Variants in CAMTA1 observed in about 807,000 individuals in gnomAD.
CAMTA1 encodes calmodulin-binding transcription activator 1.
CAMTA1 carries 27 observed loss-of-function variants against 170.9 expected under a neutral mutation model. The ratio of observed to expected loss-of-function variants is 0.16; its 90% CI spans 0.12 to 0.22. CAMTA1 has a LOEUF of 0.22. Among genes scored for constraint, CAMTA1 ranks in the 10% least tolerant of loss-of-function variants. The pLI, the probability that CAMTA1 is intolerant of heterozygous loss-of-function variation, is 1.00. For synonymous variants in CAMTA1, 833 were observed against 891.5 expected (o/e 0.93, Z 1.17); for missense variants, 1,619 against 2,217.2 (o/e 0.73, Z 5.42).
At chr1:7,142,589 C>G (rs751984581) in intron 4 of CAMTA1, among the ~76,000 whole-genome samples, 1 of 152,158 alleles carries the variant, frequency 6.6e-6, no homozygotes, top group Non-Finnish European at 1.5e-5. Flanking sequence ...GTCATCCTTG[C>G]GGTAATGAGT....
At chr1:7,405,592 G>A (rs373819290) in intron 5 of CAMTA1, among the ~76,000 whole-genome samples, 2 of 152,064 alleles carry the variant, frequency 1.3e-5, no homozygotes, top group South Asian at 2.1e-4. Context: ...GGCTGATCTT[G>A]AACTCCTAGG....
chr1:7,665,184 G>C lies in CAMTA1; in HGVS notation c.2637G>C (p.Glu879Asp), dbSNP rs761859531. The part of the protein sequence containing the change: ...RVFMVTDYSP[E>D]WSYPEGGVKV... The stretch of plus-strand genomic sequence containing the variant: ...TCATGGTGACCGACTACTCCCCAGA[G>C]TGGTCTTACCCAGAGGTAAGCTGCC... The change falls in exon 9 of 23, where the codon GAG becomes GAC. Residue 879 changes from glutamate (E) to aspartate (D), a missense_variant. Around this residue, in one of 8 missense-constraint regions of CAMTA1, gnomAD observed 29 missense variants for 70.9 expected, o/e 0.41. Coordinates refer to ENST00000303635, the MANE Select transcript of CAMTA1 (RefSeq NM_015215.4). The surrounding 1 kb of genome is among the most constrained non-coding windows in gnomAD (Gnocchi z 4.3). 2.0e-6 allele frequency: 3 copies of C among 1,484,154 alleles called. No individual in the cohort carries two copies. The Admixed American group carries it at 7.1e-5, about 35-fold the overall frequency. 91.9% of individuals were successfully genotyped at this position (1,484,154 alleles called of 1,614,324 possible).
At chr1:6,886,813 AAGAAC>A (rs1673368103) in intron 3 of CAMTA1, among the ~76,000 whole-genome samples, 1 of 152,232 alleles carries the variant, frequency 6.6e-6, no homozygotes, top group African/African-American at 2.4e-5. Flanking sequence ...AGAGAAATGA[AAGAAC>A]AGATCTGGGG....
At chr1:7,340,676 T>C (rs545478619) in intron 5 of CAMTA1, among the ~76,000 whole-genome samples, 30 of 151,956 alleles carry the variant, frequency 2.0e-4, no homozygotes, top group African/African-American at 7.0e-4. Flanking sequence ...ATGCATTCTT[T>C]GCTTCTTCCA....
chr1:7,283,589 C>T (rs1167840454), intron 5 of CAMTA1, among the ~76,000 whole-genome samples: 2 of 152,180 alleles, frequency 1.3e-5, no homozygotes, highest in Non-Finnish European at 2.9e-5. Flanking sequence ...AGTCCAAACC[C>T]CAAGTCATGA....
At chr1:7,208,412 G>T (rs1001914231) in intron 4 of CAMTA1, among the ~76,000 whole-genome samples, 4 of 146,840 alleles carry the variant, frequency 2.7e-5, no homozygotes, top group African/African-American at 7.3e-5. Context: ...TGAGTATTGG[G>T]TACCTTATTG....
At chr1:7,066,044 T>C (rs988124875) in intron 3 of CAMTA1, among the ~76,000 whole-genome samples, 1 of 152,198 alleles carries the variant, frequency 6.6e-6, no homozygotes, top group Non-Finnish European at 1.5e-5. Context: ...TGGGAGGGGC[T>C]GAGCCTGGGA....
rs528577826 is a variant in CAMTA1 at position 7,497,174 on chromosome 1, G to T, written c.510+29273G>T. On this transcript the variant is annotated intron_variant, in intron 6 of 22. Coordinates refer to ENST00000303635, the MANE Select transcript of CAMTA1 (RefSeq NM_015215.4). ...TGGCTTCTGTCAGACGGGAGAAGCT[G>T]CCCGTCTCACACCTCCCCTGGAGAT... is the stretch of plus-strand genomic sequence containing the variant. 6.4e-4 allele frequency among the ~76,000 whole-genome samples: 98 copies of T among 152,272 alleles called. 2 individuals carry two copies. The South Asian group carries it at 0.02, about 31-fold the overall frequency.
chr1:7,705,014 CG>C (rs1159673061), intron 11 of CAMTA1, among the ~76,000 whole-genome samples: 1 of 121,920 alleles, frequency 8.2e-6, no homozygotes, highest in South Asian at 2.6e-4. Context: ...GCTCGCGGGC[CG>C]GGGGCGTGGT....
Position 7,588,463 on chromosome 1 carries a change from A to G in CAMTA1, c.511-51937A>G, listed in dbSNP as rs896183279. Among the ~76,000 whole-genome samples, 5 of 152,182 alleles carry G rather than the reference A, an allele frequency of 3.3e-5. No individual in the cohort carries two copies. Among genetic ancestry groups the G allele is most frequent in the Admixed American group, 6.5e-5 (1 of 15,282 alleles). ...CGCCTCTGCAAGCATCGTTTTATCAAAACCCTCACCATTGCCATCACCACC... is the reference window on the plus strand; with the variant it reads ...CGCCTCTGCAAGCATCGTTTTATCAGAACCCTCACCATTGCCATCACCACC... On this transcript the variant is annotated intron_variant, in intron 6 of 22. Coordinates refer to ENST00000303635, the MANE Select transcript of CAMTA1 (RefSeq NM_015215.4). This position sits in a 1 kb window ranked among gnomAD's most constrained non-coding sequence, Gnocchi z 5.8.
rs532843896 is a variant in CAMTA1 at position 7,309,578 on chromosome 1, C to T, written c.438+59952C>T. 2.6e-5 allele frequency among the ~76,000 whole-genome samples: 4 copies of T among 152,114 alleles called. No homozygotes were observed. In the East Asian group the frequency reaches 7.7e-4, roughly 29 times the overall value. On this transcript the variant is annotated intron_variant, in intron 5 of 22. Coordinates refer to ENST00000303635, the MANE Select transcript of CAMTA1 (RefSeq NM_015215.4). ...CCTCCCAAAGTGCTGGGATTACAGG[C>T]GTGAGCCGCCGCGCCCGGCCTGAAA...
intron 11 of CAMTA1, among the ~76,000 whole-genome samples, chr1:7,678,969 G>A (rs1197110487): frequency 2.0e-5 from 3 of 152,216 alleles, no homozygotes; most frequent in South Asian, 2.1e-4. Flanking sequence ...TGCCCCAGCC[G>A]AGAGAGAGGG....
chr1:7,178,926 C>T (rs1173851814), intron 4 of CAMTA1, among the ~76,000 whole-genome samples: 1 of 152,228 alleles, frequency 6.6e-6, no homozygotes, highest in Non-Finnish European at 1.5e-5. Flanking sequence ...CAGCAGGTTG[C>T]TTGGCAGTGG....
At chr1:7,373,762 C>T (rs2086651020) in intron 5 of CAMTA1, among the ~76,000 whole-genome samples, 2 of 152,216 alleles carry the variant, frequency 1.3e-5, no homozygotes, top group African/African-American at 4.8e-5. Context: ...TGTACAAATA[C>T]CCCATCAATA....
intron 4 of CAMTA1, among the ~76,000 whole-genome samples, chr1:7,097,297 G>A (rs1437041318): frequency 6.6e-6 from 1 of 152,252 alleles, no homozygotes; most frequent in Non-Finnish European, 1.5e-5. Context: ...CTTTGATGGG[G>A]TGGAGTTGGG....
Position 6,971,877 on chromosome 1 carries a change from G to A in CAMTA1, c.235-119427G>A, listed in dbSNP as rs1353570028. Among the ~76,000 whole-genome samples the A allele has an allele frequency of 7.2e-5, 11 of 152,222 alleles. No homozygotes were observed. The highest frequency in any genetic ancestry group is 1.2e-4 in the Non-Finnish European group (8 of 68,040). On this transcript the variant is annotated intron_variant, in intron 3 of 22. Transcript: ENST00000303635. The surrounding 1 kb of genome is among the most constrained non-coding windows in gnomAD (Gnocchi z 4.6). ...CCATTGGCGTCAGCAAGGCCCGTCA[G>A]CCTCCCCAAAAAGCCAGAGCTGGCC... is the stretch of plus-strand genomic sequence containing the variant.
At chr1:7,272,692 CA>C (rs371588178) in intron 5 of CAMTA1, among the ~76,000 whole-genome samples, 2,369 of 38,628 alleles carry the variant, frequency 0.061, 16 homozygotes, top group South Asian at 0.099. Flanking sequence ...TAAACACATG[CA>C]AAAAAAAAAA....
intron 1 of CAMTA1, among the ~76,000 whole-genome samples, chr1:6,812,962 G>A (rs968531416): frequency 2.0e-5 from 3 of 152,206 alleles, no homozygotes; most frequent in African/African-American, 4.8e-5. Flanking sequence ...TTACCTTAGA[G>A]GTTACTGTTT....
At chr1:6,827,628 G>C (rs567708864) in intron 3 of CAMTA1, among the ~76,000 whole-genome samples, 1 of 152,008 alleles carries the variant, frequency 6.6e-6, no homozygotes, top group African/African-American at 2.4e-5. Flanking sequence ...CTGGGAATTG[G>C]CATTTTCTTA....
Sources: allele counts gnomAD v4.1 joint callset (sites outside exome capture counted in the v4.1 genomes callset), GRCh38; gene constraint gnomAD v4.1.1; regional missense constraint gnomAD v4.1.1; non-coding constraint Gnocchi (gnomAD v3.1); transcripts MANE v1.5; gene names NCBI Gene and HGNC (gene_info 2026-07-23, HGNC 2026-07-21).